Variants in KMO observed in about 807,000 individuals in gnomAD.
The protein encoded by KMO is kynurenine 3-monooxygenase.
Under a neutral mutation model 57.8 loss-of-function variants are expected in KMO, and 24 were observed. The ratio of observed to expected loss-of-function variants is 0.42; its 90% CI spans 0.30 to 0.58. KMO has a LOEUF of 0.58. Ranked by LOEUF, KMO falls within the 20% of genes least tolerant of loss-of-function variation. The pLI is 0.22. For synonymous variants in KMO, 210 were observed against 193.6 expected (o/e 1.08, Z -0.70); for missense variants, 483 against 588.2 (o/e 0.82, Z 1.85).
At chr1:241,544,296 C>T (rs190393133) in intron 1 of KMO, among the ~76,000 whole-genome samples, 20 of 152,264 alleles carry the variant, frequency 1.3e-4, no homozygotes, top group East Asian at 1.2e-3. Context: ...TTGTGGTTAA[C>T]GGTAAAAACC....
intron 10 of KMO, among the ~76,000 whole-genome samples, chr1:241,576,292 C>T (rs1662517123): frequency 6.6e-6 from 1 of 151,994 alleles, no homozygotes; most frequent in Admixed American, 6.6e-5. Flanking sequence ...GGTGCTGTTT[C>T]AGTCATCATG....
intron 10 of KMO, among the ~76,000 whole-genome samples, chr1:241,576,126 C>T (rs1662507455): frequency 6.6e-6 from 1 of 151,634 alleles, no homozygotes; most frequent in Admixed American, 6.6e-5. Flanking sequence ...CTTTTTACAC[C>T]CCTCTACCTT....
chr1:241,554,843 G>A (rs1168087046), intron 4 of KMO, among the ~76,000 whole-genome samples: 1 of 151,018 alleles, frequency 6.6e-6, no homozygotes, highest in Non-Finnish European at 1.5e-5. Context: ...TTAGCTGAGT[G>A]TGGTGGCAGG....
intron 1 of KMO, among the ~76,000 whole-genome samples, chr1:241,548,528 G>C (rs1201311199): frequency 6.6e-6 from 1 of 150,602 alleles, no homozygotes; most frequent in East Asian, 2.0e-4. Context: ...TAATTATTCT[G>C]TAAGATATAT....
rs80294943 is a variant in KMO at position 241,558,385 on chromosome 1, C to T, written c.362-2280C>T. 3.2e-3 allele frequency among the ~76,000 whole-genome samples: 488 copies of T among 152,284 alleles called. 4 individuals carry two copies. In the East Asian group the frequency reaches 0.059, roughly 19 times the overall value. ...GCATATAAAGTTCATTCTTTCTTTACGAGGCATCAAATGTGGGAGGTTTTC... is the reference window on the plus strand; with the variant it reads ...GCATATAAAGTTCATTCTTTCTTTATGAGGCATCAAATGTGGGAGGTTTTC... On this transcript the variant is annotated intron_variant, in intron 5 of 14. Coordinates refer to ENST00000366559, the MANE Select transcript of KMO (RefSeq NM_003679.5).
chr1:241,559,146 T>C (rs1028593481), intron 5 of KMO, among the ~76,000 whole-genome samples: 3 of 152,092 alleles, frequency 2.0e-5, no homozygotes, highest in African/African-American at 7.2e-5. Context: ...CAAAATATTA[T>C]TTCAATATGT....
intron 1 of KMO, among the ~76,000 whole-genome samples, chr1:241,536,872 A>T (rs1278527642): frequency 1.3e-5 from 2 of 152,104 alleles, no homozygotes; most frequent in Non-Finnish European, 2.9e-5. Flanking sequence ...CTGCTGATGA[A>T]ATTGCTTTTG....
intron 9 of KMO, among the ~76,000 whole-genome samples, chr1:241,566,892 C>T (rs540000541): frequency 8.5e-5 from 13 of 152,240 alleles, no homozygotes; most frequent in East Asian, 1.9e-4. Context: ...TGGGGCTTGG[C>T]GTGCCACAGG....
intron 3 of KMO, among the ~76,000 whole-genome samples, chr1:241,550,754 A>G (rs978384140): frequency 6.6e-6 from 1 of 152,218 alleles, no homozygotes; most frequent in Admixed American, 6.5e-5. Flanking sequence ...TCTAAGATCT[A>G]AGATTAAAAA....
rs1394455778 is a variant in KMO at position 241,571,196 on chromosome 1, T to C, written c.957+2549T>C. Among the ~76,000 whole-genome samples, 3 of 15,338 alleles carry C rather than the reference T, an allele frequency of 2.0e-4. No homozygotes were observed. The Non-Finnish European group carries it at 3.9e-3, about 20-fold the overall frequency. 10.1% of individuals were successfully genotyped at this position (15,338 alleles called of 152,430 possible). ...GTTTTTGGTGGAGTCTTTAGGTTTT[T>C]GTAAAACATAAGGTCATATTTTCTG... On this transcript the variant is annotated intron_variant, in intron 10 of 14. Coordinates refer to ENST00000366559, the MANE Select transcript of KMO (RefSeq NM_003679.5).
rs1261868968 is a variant in KMO at position 241,572,837 on chromosome 1, G to A, written c.957+4190G>A. ...TCACCAAAGCCCATTATATTACTCT[G>A]CGTTTCTGTACTCATAATTTAGCTC... On this transcript the variant is annotated intron_variant, in intron 10 of 14. Transcript: ENST00000366559. Among the ~76,000 whole-genome samples the A allele has an allele frequency of 2.0e-5, 3 of 151,922 alleles. 1 individual carries two copies. The highest frequency in any genetic ancestry group is 4.4e-5 in the Non-Finnish European group (3 of 68,000).
At chr1:241,565,852 G>A (rs1331026123) in intron 8 of KMO, among the ~76,000 whole-genome samples, 13 of 152,082 alleles carry the variant, frequency 8.5e-5, no homozygotes, top group Non-Finnish European at 5.9e-5. Flanking sequence ...CCAGGGCCTA[G>A]TAATACAATC....
rs1286377532 is a variant in KMO at position 241,586,444 on chromosome 1, C to T, written c.958-235C>T. 3 of 431,222 alleles carry T rather than the reference C, an allele frequency of 7.0e-6. No individual in the cohort carries two copies. The Admixed American group carries it at 1.1e-4, about 16-fold the overall frequency. The allele number at this position is 431,222 out of a possible 1,614,324, so 26.7% of individuals were successfully genotyped here. A position where few individuals can be genotyped will look rare whatever the true frequency, so the allele number is the denominator to read the frequency against. Reference sequence around the variant, plus strand: ...CAAACTCCTGAGCTCAAGCGATCCGCTCACCTCGGCCTCCCAAAGTGCTGG... The same window carrying T: ...CAAACTCCTGAGCTCAAGCGATCCGTTCACCTCGGCCTCCCAAAGTGCTGG... On this transcript the variant is annotated intron_variant, in intron 10 of 14. Transcript: ENST00000366559.
chr1:241,572,486 G>T lies in KMO; in HGVS notation c.957+3839G>T, dbSNP rs1418337914. On this transcript the variant is annotated intron_variant, in intron 10 of 14. Coordinates refer to ENST00000366559, the MANE Select transcript of KMO (RefSeq NM_003679.5). Reference sequence around the variant, plus strand: ...CTCCCTTTTCTGTGTCTAGCTAAAGGTTTGTTGATTTTGTTTATTTTTTAA... The same window carrying T: ...CTCCCTTTTCTGTGTCTAGCTAAAGTTTTGTTGATTTTGTTTATTTTTTAA... Among the ~76,000 whole-genome samples, 3 of 151,808 alleles carry T rather than the reference G, an allele frequency of 2.0e-5. 1 individual carries two copies. Among genetic ancestry groups the T allele is most frequent in the Non-Finnish European group, 4.4e-5 (3 of 67,952 alleles).
At chr1:241,545,763 T>A (rs12077986) in intron 1 of KMO, among the ~76,000 whole-genome samples, 45,900 of 151,940 alleles carry the variant, frequency 0.3, 7,858 homozygotes, top group Non-Finnish European at 0.39. Flanking sequence ...GGATTTGAGG[T>A]AGGGTGGCCC....
intron 9 of KMO, among the ~76,000 whole-genome samples, chr1:241,567,816 CA>C (rs999296711): frequency 1.6e-4 from 24 of 152,178 alleles, no homozygotes; most frequent in Non-Finnish European, 2.8e-4. Context: ...TGTGTACTTT[CA>C]AACTGGTTTC....
At position 241,591,575 on chromosome 1, in the gene KMO, T is replaced by C. The variant is rs372374832; in HGVS notation, c.1261-378T>C. ...GGCCACCAGGCCACCACTCTTCTCC[T>C]GGAGACTTTTGGGAAGCTTCTGAGA... On this transcript the variant is annotated intron_variant, in intron 14 of 14. Coordinates refer to ENST00000366559, the MANE Select transcript of KMO (RefSeq NM_003679.5). 4.6e-5 allele frequency among the ~76,000 whole-genome samples: 7 copies of C among 152,320 alleles called. No homozygotes were observed. In the South Asian group the frequency reaches 1.4e-3, roughly 32 times the overall value.
intron 5 of KMO, among the ~76,000 whole-genome samples, chr1:241,556,259 G>A (rs572732148): frequency 2.6e-5 from 4 of 152,142 alleles, no homozygotes; most frequent in East Asian, 3.9e-4. Context: ...TTGGCCACCC[G>A]AGAAGCTGGG....
In KMO at chr1:241,592,132, T is replaced by G. The variant is rs777562689; in HGVS notation, c.1440T>G (p.Ile480Met). 17 of 1,613,756 alleles carry G rather than the reference T, an allele frequency of 1.1e-5. No homozygotes were observed. The South Asian group carries it at 1.5e-4, about 15-fold the overall frequency. ...PAKAVDSLEQ[I>M]SNLISR Reference sequence around the variant, plus strand: ...AGGCCGTGGACTCCCTAGAACAAATTTCCAATCTCATTAGCAGGTGATAGA... The same window carrying G: ...AGGCCGTGGACTCCCTAGAACAAATGTCCAATCTCATTAGCAGGTGATAGA... Residue 480 changes from isoleucine to methionine, a missense_variant, in exon 15 of 15, where the codon ATT becomes ATG. Coordinates refer to ENST00000366559, the MANE Select transcript of KMO (RefSeq NM_003679.5).
Sources: gnomAD v4.1 joint callset for allele counts (sites outside exome capture counted in the v4.1 genomes callset) on GRCh38, gnomAD v4.1.1 for gene constraint, MANE v1.5 for transcripts, NCBI Gene and HGNC (gene_info 2026-07-23, HGNC 2026-07-21) for gene names.